MECOM: variants seen among roughly 807,000 people sequenced by gnomAD.
MECOM encodes MDS1 and EVI1 complex locus.
A neutral mutation model predicts 116.3 loss-of-function variants in MECOM; 13 were observed. The ratio of observed to expected loss-of-function variants is 0.11; its 90% CI spans 0.07 to 0.18. The LOEUF is 0.18. MECOM is among the 10% of genes least tolerant of loss of function. The pLI is 1.00. For missense variants in MECOM, 1,299 were observed against 1,509.0 expected (o/e 0.86, Z 2.31); for synonymous variants, 528 against 535.2 (o/e 0.99, Z 0.19).
intron 1 of MECOM, among the ~76,000 whole-genome samples, chr3:169,651,147 C>T (rs1428151098): frequency 6.6e-6 from 1 of 152,068 alleles, no homozygotes; most frequent in African/African-American, 2.4e-5. Context: ...ATGGGTTTGT[C>T]ACAATAAAAT....
At chr3:169,259,338 A>G (rs1757251861) in intron 2 of MECOM, among the ~76,000 whole-genome samples, 1 of 152,216 alleles carries the variant, frequency 6.6e-6, no homozygotes, top group South Asian at 2.1e-4. Flanking sequence ...TACGTTATAC[A>G]GTATGACTGG....
At chr3:169,198,613 C>G (rs926422101) in intron 2 of MECOM, among the ~76,000 whole-genome samples, 1 of 151,744 alleles carries the variant, frequency 6.6e-6, no homozygotes, top group Non-Finnish European at 1.5e-5. Flanking sequence ...ATTCTTTTTC[C>G]TTCGCATACC....
rs1207050510 is a variant in MECOM at position 169,131,410 on chromosome 3, T to C, written c.613+19A>G. On this transcript the variant is annotated intron_variant, in intron 4 of 16. Transcript: ENST00000651503. ...CGCGATGATAAGGTGATAAGGAGGG[T>C]GGCGTGAGTGGTACTAACCGTGGAT... is the stretch of plus-strand genomic sequence containing the variant. The C allele has an allele frequency of 1.3e-6, 2 of 1,589,228 alleles. No individual in the cohort carries two copies. Among genetic ancestry groups the C allele is most frequent in the Non-Finnish European group, 1.7e-6 (2 of 1,157,626 alleles).
At chr3:169,277,672 C>T (rs906502860) in intron 2 of MECOM, among the ~76,000 whole-genome samples, 10 of 152,074 alleles carry the variant, frequency 6.6e-5, no homozygotes, top group Non-Finnish European at 1.5e-4. Flanking sequence ...ATGAAGCTTC[C>T]TTTGAAGACA....
At chr3:169,496,632 C>T (rs1221125876) in intron 1 of MECOM, among the ~76,000 whole-genome samples, 1 of 152,198 alleles carries the variant, frequency 6.6e-6, no homozygotes, top group Non-Finnish European at 1.5e-5. Flanking sequence ...GATAACCCTG[C>T]AATGACTTCA....
chr3:169,290,424 T>C (rs1462581436), intron 2 of MECOM, among the ~76,000 whole-genome samples: 1 of 152,196 alleles, frequency 6.6e-6, no homozygotes, highest in African/African-American at 2.4e-5. Flanking sequence ...TCTATAATTT[T>C]AAAATAACCT....
At chr3:169,551,372 T>TA (rs745359536) in intron 1 of MECOM, among the ~76,000 whole-genome samples, 2,882 of 149,348 alleles carry the variant, frequency 0.019, 42 homozygotes, top group Non-Finnish European at 0.027. Flanking sequence ...TATCTACACT[T>TA]TAAAAAAAAA....
intron 1 of MECOM, among the ~76,000 whole-genome samples, chr3:169,614,115 T>TC (rs1295971862): frequency 5.5e-5 from 1 of 18,142 alleles, no homozygotes; most frequent in Non-Finnish European, 1.2e-4. Context: ...TTCTTTTTTC[T>TC]TTTTTTTTTC....
intron 2 of MECOM, among the ~76,000 whole-genome samples, chr3:169,218,461 GA>G (rs1751692652): frequency 6.6e-6 from 1 of 152,108 alleles, no homozygotes; most frequent in Non-Finnish European, 1.5e-5. Context: ...AGTTTACAAG[GA>G]AAAACAGGAA....
intron 2 of MECOM, among the ~76,000 whole-genome samples, chr3:169,207,058 G>A (rs1750030398): frequency 1.3e-5 from 2 of 152,312 alleles, no homozygotes; most frequent in Middle Eastern, 3.4e-3. Flanking sequence ...TTGAGGCATA[G>A]TGACTTCTTT....
chr3:169,515,283 A>G (rs1756485601), intron 1 of MECOM, among the ~76,000 whole-genome samples: 1 of 152,096 alleles, frequency 6.6e-6, no homozygotes, highest in Admixed American at 6.5e-5. Context: ...GACAATCCCA[A>G]CTCACTCACT....
At chr3:169,235,091 T>A (rs1271967101) in intron 2 of MECOM, among the ~76,000 whole-genome samples, 2 of 152,208 alleles carry the variant, frequency 1.3e-5, no homozygotes, top group African/African-American at 2.4e-5. Context: ...CGACAGTGCT[T>A]ACGCTATGAT....
At chr3:169,323,111 G>A (rs956181294) in intron 2 of MECOM, among the ~76,000 whole-genome samples, 2 of 151,208 alleles carry the variant, frequency 1.3e-5, no homozygotes, top group Non-Finnish European at 2.9e-5. Context: ...AATATCCTGG[G>A]ACCAATCTGT....
Position 169,339,876 on chromosome 3 carries a change from G to A in MECOM, c.375+41311C>T, listed in dbSNP as rs534523996. On this transcript the variant is annotated intron_variant, in intron 2 of 16. Coordinates refer to ENST00000651503, the MANE Select transcript of MECOM (RefSeq NM_004991.4). Reference sequence around the variant, plus strand: ...CTAATTAAATTTTATATTGTCTAAAGTGAGTCAAATATATGATGTGGGGGG... The same window carrying A: ...CTAATTAAATTTTATATTGTCTAAAATGAGTCAAATATATGATGTGGGGGG... Among the ~76,000 whole-genome samples the A allele has an allele frequency of 1.2e-3, 178 of 152,194 alleles. 1 individual carries two copies. The highest frequency in any genetic ancestry group is 3.6e-3 in the African/African-American group (148 of 41,528).
At chr3:169,098,140 C>T (rs1169054082) in intron 12 of MECOM, among the ~76,000 whole-genome samples, 2 of 152,116 alleles carry the variant, frequency 1.3e-5, no homozygotes, top group Non-Finnish European at 2.9e-5. Flanking sequence ...TAACATCTTA[C>T]CTAACATTCA....
At chr3:169,328,159 CT>C (rs1722164268) in intron 2 of MECOM, among the ~76,000 whole-genome samples, 2 of 152,186 alleles carry the variant, frequency 1.3e-5, no homozygotes, top group African/African-American at 2.4e-5. Flanking sequence ...CTCACCACCC[CT>C]GATGAAGCAA....
chr3:169,406,839 G>GTT lies in MECOM; in HGVS notation c.38-25317_38-25316dup, dbSNP rs11375902. Among the ~76,000 whole-genome samples the GTT allele has an allele frequency of 2.5e-4, 36 of 143,512 alleles. No homozygotes were observed. In the East Asian group the frequency reaches 3.9e-3, roughly 15 times the overall value. 94.1% of individuals were successfully genotyped at this position (143,512 alleles called of 152,430 possible). A position where few individuals can be genotyped will look rare whatever the true frequency, so the allele number is the denominator to read the frequency against. The stretch of plus-strand genomic sequence containing the variant: ...TCTATTTCAAGGTTATTTGGTTACT[G>GTT]TTTTTTTTTGTTTTTTTTTTTTAAT... On this transcript the variant is annotated intron_variant, in intron 1 of 16. Coordinates refer to ENST00000651503, the MANE Select transcript of MECOM (RefSeq NM_004991.4).
rs1223678943 is a variant in MECOM, at chr3:169,414,601, A to T, written c.38-33077T>A. ...ACAAACTCCTCCAAGCTAAAGGAAC[A>T]TGTTCTAACTCAATGCAAGGAAGCT... On this transcript the variant is annotated intron_variant, in intron 1 of 16. Transcript: ENST00000651503. 3.9e-5 allele frequency among the ~76,000 whole-genome samples: 6 copies of T among 152,224 alleles called. No individual in the cohort carries two copies. The East Asian group carries it at 1.2e-3, about 29-fold the overall frequency.
intron 1 of MECOM, among the ~76,000 whole-genome samples, chr3:169,447,169 C>A (rs1307301015): frequency 6.6e-6 from 1 of 152,072 alleles, no homozygotes; most frequent in Admixed American, 6.5e-5. Flanking sequence ...AATTTCTTGA[C>A]CCCTTGTGAA....
Sources: allele counts gnomAD v4.1 joint callset (sites outside exome capture counted in the v4.1 genomes callset), GRCh38; gene constraint gnomAD v4.1.1; transcripts MANE v1.5; gene names NCBI Gene and HGNC (gene_info 2026-07-23, HGNC 2026-07-21).